Variants in SORCS2 observed in about 807,000 individuals in gnomAD.
The protein encoded by SORCS2 is VPS10 domain-containing receptor SorCS2.
A neutral mutation model predicts 141.6 loss-of-function variants in SORCS2; 100 were observed. That is an observed-to-expected ratio of 0.71 (90% CI 0.60 to 0.83). SORCS2 has a LOEUF of 0.83. SORCS2 is among the 40% of genes least tolerant of loss of function. The pLI is 0.00. For synonymous variants in SORCS2, 789 were observed against 676.9 expected (o/e 1.17, Z -2.57); for missense variants, 1,646 against 1,560.2 (o/e 1.05, Z -0.93).
intron 1 of SORCS2, among the ~76,000 whole-genome samples, chr4:7,383,380 C>T (rs931729099): frequency 7.9e-5 from 12 of 152,182 alleles, no homozygotes; most frequent in South Asian, 2.1e-4. Flanking sequence ...TTCTTCCACC[C>T]GCCCCTCCTC....
At chr4:7,522,354 GCCGA>G (rs1560353119) in intron 2 of SORCS2, among the ~76,000 whole-genome samples, 3 of 152,250 alleles carry the variant, frequency 2.0e-5, no homozygotes, top group Non-Finnish European at 4.4e-5. Context: ...CAGTTAAGCA[GCCGA>G]TTTGCAGACA....
chr4:7,372,208 GTGTT>G (rs1261218329), intron 1 of SORCS2, among the ~76,000 whole-genome samples: 1 of 152,182 alleles, frequency 6.6e-6, no homozygotes, highest in Non-Finnish European at 1.5e-5. Flanking sequence ...TATAAGTTGG[GTGTT>G]TGTAAGTCAG....
intron 14 of SORCS2, among the ~76,000 whole-genome samples, chr4:7,712,099 C>T (rs1725857862): frequency 1.3e-5 from 2 of 152,182 alleles, no homozygotes; most frequent in African/African-American, 2.4e-5. Context: ...AGTGGCCAGC[C>T]TCCCTATTCT....
chr4:7,699,772 T>A (rs1273598894), intron 12 of SORCS2, among the ~76,000 whole-genome samples: 1 of 152,180 alleles, frequency 6.6e-6, no homozygotes, highest in African/African-American at 2.4e-5. Flanking sequence ...ATGCACGCGT[T>A]CCACTGCTGT....
intron 3 of SORCS2, among the ~76,000 whole-genome samples, chr4:7,612,254 G>T (rs10001353): frequency 0.16 from 24,460 of 152,144 alleles, 2,038 homozygotes; most frequent in Middle Eastern, 0.25. Flanking sequence ...AATGGCTTTT[G>T]GGAGGTCACA....
intron 1 of SORCS2, among the ~76,000 whole-genome samples, chr4:7,277,847 C>G (rs939109232): frequency 1.3e-5 from 2 of 152,156 alleles, no homozygotes; most frequent in African/African-American, 4.8e-5. Context: ...GGCTTTGGAC[C>G]TGATGGTGGC....
At chr4:7,355,922 C>T (rs1721223957) in intron 1 of SORCS2, among the ~76,000 whole-genome samples, 1 of 152,238 alleles carries the variant, frequency 6.6e-6, no homozygotes, top group Non-Finnish European at 1.5e-5. Flanking sequence ...GCTTCCTTGG[C>T]TGGGATCCTG....
At chr4:7,733,519 T>G in intron 24 of SORCS2, 98 bp downstream of exon 24, 2 of 972,086 alleles carry the variant, frequency 2.1e-6, no homozygotes, top group Non-Finnish European at 3.0e-6. Context: ...ATGGCCCGTA[T>G]CCCCCTCCTG....
At chr4:7,240,016 T>C (rs865986883) in intron 1 of SORCS2, among the ~76,000 whole-genome samples, 21 of 152,298 alleles carry the variant, frequency 1.4e-4, no homozygotes, top group Middle Eastern at 6.8e-3. Flanking sequence ...AGCTCTGCTC[T>C]CCACAGAAGG....
intron 2 of SORCS2, chr4:7,434,397 A>G: frequency 6.2e-7 from 1 of 1,607,668 alleles, no homozygotes; most frequent in Non-Finnish European, 8.5e-7. Flanking sequence ...ACGGAGCCAC[A>G]GCCTCAAAGG....
intron 1 of SORCS2, among the ~76,000 whole-genome samples, chr4:7,381,019 T>C (rs979672759): frequency 6.8e-6 from 1 of 147,560 alleles, no homozygotes; most frequent in African/African-American, 2.5e-5. Flanking sequence ...GAGGCAGAGG[T>C]TTCAGTGAGC....
intron 2 of SORCS2, chr4:7,435,020 C>A: frequency 9.5e-7 from 1 of 1,049,388 alleles, no homozygotes; most frequent in Non-Finnish European, 1.4e-6. Flanking sequence ...ACACCCTGTG[C>A]CCGGGGATTC....
In SORCS2 at chr4:7,561,080, C is replaced by T. The variant is rs185453515; in HGVS notation, c.648+29451C>T. Among the ~76,000 whole-genome samples the T allele has an allele frequency of 3.3e-5, 5 of 152,324 alleles. No individual in the cohort carries two copies. In the East Asian group the frequency reaches 7.7e-4, roughly 23 times the overall value. Reference sequence around the variant, plus strand: ...GCTGTGTCTTTCGATGTCACCTCCTCTCCATAGCTTTAGGAGATCAAGGTC... The same window carrying T: ...GCTGTGTCTTTCGATGTCACCTCCTTTCCATAGCTTTAGGAGATCAAGGTC... On this transcript the variant is annotated intron_variant, in intron 3 of 26. Coordinates refer to ENST00000507866, the MANE Select transcript of SORCS2 (RefSeq NM_020777.3).
intron 2 of SORCS2, among the ~76,000 whole-genome samples, chr4:7,504,917 G>A (rs974735966): frequency 5.9e-5 from 9 of 152,220 alleles, no homozygotes; most frequent in Admixed American, 2.0e-4. Flanking sequence ...GGCCGTAGGC[G>A]CTGATGCCCC....
chr4:7,324,383 C>T (rs1057052577), intron 1 of SORCS2, among the ~76,000 whole-genome samples: 1 of 152,178 alleles, frequency 6.6e-6, no homozygotes, highest in Non-Finnish European at 1.5e-5. Flanking sequence ...ATGCTGCCCA[C>T]CTGGAATCTA....
rs377295265 is a variant in SORCS2 at position 7,234,934 on chromosome 4, CAG to C, written c.480+41809_480+41810del. Among the ~76,000 whole-genome samples the C allele has an allele frequency of 5.5e-4, 84 of 152,328 alleles. No individual in the cohort carries two copies. The South Asian group carries it at 9.1e-3, about 17-fold the overall frequency. Reference sequence around the variant, plus strand: ...GCCGGGGAAGGCCTCGCCGAGGAGACAGGGGCTAGGCTGGGCCTGAAGTCTTG... The same window carrying C: ...GCCGGGGAAGGCCTCGCCGAGGAGACGGGCTAGGCTGGGCCTGAAGTCTTG... On this transcript the variant is annotated intron_variant, in intron 1 of 26. Transcript: ENST00000507866.
intron 3 of SORCS2, among the ~76,000 whole-genome samples, chr4:7,559,615 G>A (rs1714385901): frequency 6.6e-6 from 1 of 152,150 alleles, no homozygotes; most frequent in Non-Finnish European, 1.5e-5. Context: ...CTGGGATCGA[G>A]GCATCAGCTG....
chr4:7,552,342 G>C (rs1039842181), intron 3 of SORCS2, among the ~76,000 whole-genome samples: 1 of 152,218 alleles, frequency 6.6e-6, no homozygotes, highest in African/African-American at 2.4e-5. Flanking sequence ...CTGTCCCCTG[G>C]GGCACCAGCA....
At chr4:7,332,211 G>A (rs556980624) in intron 1 of SORCS2, among the ~76,000 whole-genome samples, 2 of 152,352 alleles carry the variant, frequency 1.3e-5, no homozygotes, top group Non-Finnish European at 2.9e-5. Flanking sequence ...TGATGTGGGG[G>A]GCTCTCAGCC....
Sources: gnomAD v4.1 joint callset for allele counts (sites outside exome capture counted in the v4.1 genomes callset) on GRCh38, gnomAD v4.1.1 for gene constraint, MANE v1.5 for transcripts, NCBI Gene and HGNC (gene_info 2026-07-23, HGNC 2026-07-21) for gene names.